The following CHD9 variants were observed in gnomAD, a reference collection of about 807,000 sequenced individuals.
CHD9 encodes chromodomain helicase DNA binding protein 9.
A neutral mutation model predicts 316.1 loss-of-function variants in CHD9; 77 were observed. The ratio of observed to expected loss-of-function variants is 0.24; its 90% confidence interval spans 0.20 to 0.29. The LOEUF is 0.29. Ranked by LOEUF, CHD9 falls within the 10% of genes least tolerant of loss-of-function variation. The pLI is 1.00. For missense variants in CHD9, 2,763 were observed against 3,438.1 expected (o/e 0.80, Z 4.91); for synonymous variants, 1,129 against 1,158.3 (o/e 0.97, Z 0.51).
intron 22 of CHD9, 58 bp downstream of exon 22, chr16:53,268,184 T>G: frequency 1.8e-6 from 2 of 1,117,916 alleles, no homozygotes; most frequent in Non-Finnish European, 1.3e-6. Flanking sequence ...AAGTAATACT[T>G]AACATATTCT....
At chr16:53,188,507 C>G (rs145647209) in intron 2 of CHD9, among the ~76,000 whole-genome samples, 1 of 137,928 alleles carries the variant, frequency 7.3e-6, no homozygotes, top group East Asian at 2.1e-4. Flanking sequence ...TTGTAGCCAT[C>G]TTGGTATAAA....
chr16:53,292,727 T>A, intron 28 of CHD9, 106 bp from the exon 29 acceptor site: 1 of 807,052 alleles, frequency 1.2e-6, no homozygotes, highest in Non-Finnish European at 2.0e-6. Context: ...ATGTTTTTTT[T>A]TCCCCACATA....
At position 53,209,769 on chromosome 16, in the gene CHD9, A is replaced by T. The variant is rs2152871386; in HGVS notation, c.1740A>T (p.Lys580Asn). 3 of 1,604,774 alleles carry T rather than the reference A, an allele frequency of 1.9e-6. No homozygotes were observed. The East Asian group carries it at 6.7e-5, about 36-fold the overall frequency. The change falls in exon 3 of 39, where the codon AAA (lysine) becomes AAT (asparagine). Residue 580 changes from lysine (K) to asparagine (N), a missense_variant. Lys to Asn is a moderately conservative substitution (Grantham distance 94). This residue lies in a region of CHD9 where 859 missense variants were observed against 890.4 expected (regional missense o/e 0.96). Transcript: ENST00000447540. ...CCAAGCCAAAGGACAAAGACAGCAAAAAAACAAAAACATGTTCTAAGTTAA... is the reference window on the plus strand; with the variant it reads ...CCAAGCCAAAGGACAAAGACAGCAATAAAACAAAAACATGTTCTAAGTTAA... Reference protein sequence around the residue: ...MKSKPKDKDSKKTKTCSKLKE... With the variant: ...MKSKPKDKDSNKTKTCSKLKE...
intron 2 of CHD9, among the ~76,000 whole-genome samples, chr16:53,191,738 G>A (rs1764067239): frequency 6.6e-6 from 1 of 152,068 alleles, no homozygotes; most frequent in South Asian, 2.1e-4. Context: ...GAACATTCAA[G>A]TTCAGTCTTT....
rs1446787642 is a variant in CHD9 at position 53,194,110 on chromosome 16, C to T, written c.1453-15372C>T. 4.6e-5 allele frequency among the ~76,000 whole-genome samples: 7 copies of T among 151,856 alleles called. No homozygotes were observed. In the South Asian group the frequency reaches 6.2e-4, roughly 14 times the overall value. ...GAAGGCTGGACACAGTGGCTTATGC[C>T]GTAATCCCAGTGCTGTGAGAGGATC... On this transcript the variant is annotated intron_variant, in intron 2 of 38. Coordinates refer to ENST00000447540, the MANE Select transcript of CHD9 (RefSeq NM_001308319.2).
chr16:53,091,688 A>G (rs992902963), intron 1 of CHD9, among the ~76,000 whole-genome samples: 2 of 152,174 alleles, frequency 1.3e-5, no homozygotes, highest in African/African-American at 4.8e-5. Context: ...ACACAGCACT[A>G]AATGTTTGGA....
At chr16:53,171,839 CACACACACACACACACACACAG>C (rs1403496601) in intron 2 of CHD9, among the ~76,000 whole-genome samples, 64 of 108,870 alleles carry the variant, frequency 5.9e-4, no homozygotes, top group African/African-American at 2.3e-3. Context: ...ACCACACACA[CACACACACACACACACACACAG>C]ACACACACAC....
At chr16:53,209,444 T>TATAAAA in intron 2 of CHD9, 38 bp from the exon 3 acceptor site, 10 of 1,325,198 alleles carry the variant, frequency 7.5e-6, no homozygotes, top group South Asian at 2.9e-5. Flanking sequence ...TTAGATGTAC[T>TATAAAA]TTGGTATATT....
intron 32 of CHD9, 72 bp from the exon 33 acceptor site, chr16:53,307,609 C>G: frequency 7.3e-7 from 1 of 1,379,014 alleles, no homozygotes; most frequent in Non-Finnish European, 9.8e-7. Flanking sequence ...TCCATAGACT[C>G]TTGAGCTATT....
chr16:53,189,504 C>T lies in CHD9; in HGVS notation c.1453-19978C>T, dbSNP rs984392829. Among the ~76,000 whole-genome samples, 4 of 151,692 alleles carry T rather than the reference C, an allele frequency of 2.6e-5. No individual in the cohort carries two copies. In the East Asian group the frequency reaches 7.7e-4, roughly 29 times the overall value. ...TTAGCCTTGCACTCCTAAAATAAAT[C>T]CTACTTGTCGATGGTATGTATCTCT... On this transcript the variant is annotated intron_variant, in intron 2 of 38. Coordinates refer to ENST00000447540, the MANE Select transcript of CHD9 (RefSeq NM_001308319.2).
intron 1 of CHD9, among the ~76,000 whole-genome samples, chr16:53,117,884 G>T (rs1401736178): frequency 6.7e-6 from 1 of 150,280 alleles, no homozygotes; most frequent in Non-Finnish European, 1.5e-5. Context: ...GGAGTGCAGT[G>T]GTGCGATCTT....
At chr16:53,107,489 TAAATA>T (rs60801106) in intron 1 of CHD9, among the ~76,000 whole-genome samples, 13 of 123,132 alleles carry the variant, frequency 1.1e-4, no homozygotes, top group East Asian at 7.0e-4. Context: ...TAAAATAAAA[TAAATA>T]AAATAAAATA....
intron 29 of CHD9, among the ~76,000 whole-genome samples, chr16:53,294,275 T>C (rs952805074): frequency 5.3e-5 from 8 of 152,336 alleles, no homozygotes; most frequent in Admixed American, 1.3e-4. Flanking sequence ...CTGGAAGATA[T>C]ATTGTTCTTT....
intron 37 of CHD9, 97 bp downstream of exon 37, chr16:53,318,437 C>G: frequency 1.1e-6 from 1 of 909,502 alleles, no homozygotes; most frequent in African/African-American, 1.7e-5. Context: ...TTCTAACAGA[C>G]CTGGAAATGA....
intron 15 of CHD9, among the ~76,000 whole-genome samples, chr16:53,247,030 T>C (rs2049692879): frequency 6.6e-6 from 1 of 152,212 alleles, no homozygotes; most frequent in Non-Finnish European, 1.5e-5. Context: ...TTGGCAAACA[T>C]AAATTTATAA....
chr16:53,202,639 A>T (rs570384421), intron 2 of CHD9, among the ~76,000 whole-genome samples: 196 of 152,232 alleles, frequency 1.3e-3, no homozygotes, highest in African/African-American at 4.2e-3. Flanking sequence ...CTAGATGTAC[A>T]TTTGTATTTA....
intron 2 of CHD9, among the ~76,000 whole-genome samples, chr16:53,187,734 A>G (rs2044148708): frequency 6.6e-6 from 1 of 152,220 alleles, no homozygotes; most frequent in African/African-American, 2.4e-5. Flanking sequence ...ACAAAAGATT[A>G]TTGAATAACT....
intron 2 of CHD9, among the ~76,000 whole-genome samples, chr16:53,164,734 A>G (rs60757935): frequency 7.9e-5 from 12 of 151,650 alleles, no homozygotes; most frequent in Non-Finnish European, 1.3e-4. Context: ...GCTCATTGCA[A>G]CCTCCACCTC....
intron 2 of CHD9, among the ~76,000 whole-genome samples, chr16:53,159,052 A>G (rs1173062144): frequency 2.0e-5 from 3 of 152,106 alleles, no homozygotes; most frequent in Non-Finnish European, 4.4e-5. Flanking sequence ...AGGTGAGAGG[A>G]TTGCTTGAGA....
Sources: allele counts gnomAD v4.1 joint callset (sites outside exome capture counted in the v4.1 genomes callset), GRCh38; gene constraint gnomAD v4.1.1; regional missense constraint gnomAD v4.1.1; transcripts MANE v1.5; gene names NCBI Gene and HGNC (gene_info 2026-07-23, HGNC 2026-07-21).